The following DCLK2 variants were observed in gnomAD, a reference collection of about 807,000 sequenced individuals.
DCLK2 encodes the protein serine/threonine-protein kinase DCLK2.
DCLK2 carries 31 observed loss-of-function variants against 78.4 expected under a neutral mutation model. That is an observed-to-expected ratio of 0.40 (90% CI 0.30 to 0.53). The LOEUF (loss-of-function observed/expected upper bound fraction) is 0.53, where lower values mean the gene tolerates loss of function less well. Ranked by LOEUF, DCLK2 falls within the 20% of genes least tolerant of loss-of-function variation. The probability of loss-of-function intolerance (pLI) is 0.61; values close to 1 mark genes in which losing one functional copy is unlikely to be tolerated. For missense variants in DCLK2, 872 were observed against 973.7 expected (o/e 0.90, Z 1.39); for synonymous variants, 407 against 374.9 (o/e 1.09, Z -0.99).
intron 14 of DCLK2, 34 bp from the exon 15 acceptor site, chr4:150,249,534 A>G (rs778779065): frequency 1.3e-6 from 2 of 1,587,946 alleles, no homozygotes. Flanking sequence ...GAGGATGGAA[A>G]AAGCATTGTA....
chr4:150,126,999 G>T (rs531844620), intron 2 of DCLK2, among the ~76,000 whole-genome samples: 118 of 152,150 alleles, frequency 7.8e-4, no homozygotes, highest in African/African-American at 2.7e-3. Flanking sequence ...GGGTTCTCTG[G>T]TATTCCCCTG....
chr4:150,187,348 A>G (rs769272839), intron 2 of DCLK2, among the ~76,000 whole-genome samples: 1 of 152,102 alleles, frequency 6.6e-6, no homozygotes, highest in African/African-American at 2.4e-5. Context: ...TGACTATTCT[A>G]GGGAGCTGCT....
intron 2 of DCLK2, among the ~76,000 whole-genome samples, chr4:150,153,557 G>A (rs1735042149): frequency 7.4e-6 from 1 of 135,344 alleles, no homozygotes; most frequent in Admixed American, 7.3e-5. Context: ...ACATGCATGT[G>A]CCACCACATG....
chr4:150,239,713 T>G, intron 10 of DCLK2, 29 bp from the exon 11 acceptor site: 1 of 1,580,856 alleles, frequency 6.3e-7, no homozygotes, highest in Non-Finnish European at 8.7e-7. Context: ...AAAAAAAATC[T>G]TCTGATTGTT....
intron 4 of DCLK2, among the ~76,000 whole-genome samples, chr4:150,202,068 T>A (rs1202389762): frequency 6.6e-6 from 1 of 152,170 alleles, no homozygotes; most frequent in Non-Finnish European, 1.5e-5. Context: ...GCACCTAAGG[T>A]CCATACTTTA....
In DCLK2 at chr4:150,079,130, A is replaced by G; in HGVS notation, c.103A>G (p.Ser35Gly). The G allele has an allele frequency of 6.3e-7, 1 of 1,585,532 alleles. No homozygotes were observed. The highest frequency in any genetic ancestry group is 1.2e-5 in the South Asian group (1 of 86,018). Reference sequence around the variant, plus strand: ...GGCCCCCAGCTCCTCCGGGGGCAGCAGCAGCTCGGGCCCCAAGGGGAACGG... The same window carrying G: ...GGCCCCCAGCTCCTCCGGGGGCAGCGGCAGCTCGGGCCCCAAGGGGAACGG... ...RGAPSSSGGS[S>G]SSGPKGNGLI... The change falls in exon 1 of 16, where the codon AGC (serine) becomes GGC (glycine). Residue 35 changes from serine (S) to glycine (G), a missense_variant. Ser to Gly is a moderately conservative substitution (Grantham distance 56). This residue lies in a region of DCLK2 where 567 missense variants were observed against 593.4 expected (regional missense o/e 0.96). Coordinates refer to ENST00000296550, the MANE Select transcript of DCLK2 (RefSeq NM_001040260.4).
intron 2 of DCLK2, among the ~76,000 whole-genome samples, chr4:150,138,106 T>G (rs1021739575): frequency 7.2e-5 from 11 of 152,244 alleles, no homozygotes; most frequent in Non-Finnish European, 1.5e-4. Context: ...AGAGGTTAGT[T>G]ATTAAGCAAT....
chr4:150,187,603 C>G (rs1013963136), intron 2 of DCLK2, among the ~76,000 whole-genome samples: 3 of 152,190 alleles, frequency 2.0e-5, no homozygotes, highest in African/African-American at 7.2e-5. Flanking sequence ...TGTGCACACA[C>G]TTCCTTAATG....
chr4:150,253,079 GTCCTCCTCATCCTCCTCGTCCTCCTCA>G (rs1485089641), intron 15 of DCLK2, among the ~76,000 whole-genome samples: 2,599 of 149,682 alleles, frequency 0.017, 70 homozygotes, highest in African/African-American at 0.06. Flanking sequence ...TGTCCTCCTC[GTCCTCCTCATCCTCCTCGTCCTCCTCA>G]TCCTCCTCAT....
chr4:150,173,059 T>G (rs1320461297), intron 2 of DCLK2, among the ~76,000 whole-genome samples: 1 of 152,134 alleles, frequency 6.6e-6, no homozygotes, highest in Admixed American at 6.6e-5. Flanking sequence ...TAGTTCTGAA[T>G]TCTGTTGACT....
intron 8 of DCLK2, among the ~76,000 whole-genome samples, chr4:150,226,608 A>G (rs1203635293): frequency 6.6e-6 from 1 of 152,294 alleles, no homozygotes; most frequent in South Asian, 2.1e-4. Flanking sequence ...TGGAAAAAAA[A>G]GGTCTTTGTA....
chr4:150,232,970 A>G (rs991555990), intron 10 of DCLK2, 142 bp downstream of exon 10: 6 of 1,063,794 alleles, frequency 5.6e-6, no homozygotes, highest in Admixed American at 5.2e-5. Context: ...ACTTATGTCA[A>G]TGACCATCAA....
At chr4:150,100,980 G>C (rs1730849089) in intron 1 of DCLK2, among the ~76,000 whole-genome samples, 1 of 152,118 alleles carries the variant, frequency 6.6e-6, no homozygotes, top group African/African-American at 2.4e-5. Flanking sequence ...GGCCAGGCAT[G>C]GTGGCTCATG....
chr4:150,200,839 T>C (rs1739395996), intron 4 of DCLK2, among the ~76,000 whole-genome samples: 1 of 152,124 alleles, frequency 6.6e-6, no homozygotes, highest in Admixed American at 6.5e-5. Context: ...GTAACATAAA[T>C]GGGTAAATGG....
intron 2 of DCLK2, among the ~76,000 whole-genome samples, chr4:150,162,075 G>C (rs1735741208): frequency 6.6e-6 from 1 of 152,168 alleles, no homozygotes; most frequent in Admixed American, 6.5e-5. Flanking sequence ...CTGTTGCCCA[G>C]GCTGGAGTGC....
At chr4:150,150,324 A>G (rs1206712241) in intron 2 of DCLK2, among the ~76,000 whole-genome samples, 1 of 152,114 alleles carries the variant, frequency 6.6e-6, no homozygotes, top group Non-Finnish European at 1.5e-5. Context: ...TGCAGCATTT[A>G]ATTATTCTGA....
chr4:150,081,674 A>C (rs1228561917), intron 1 of DCLK2, among the ~76,000 whole-genome samples: 1 of 152,040 alleles, frequency 6.6e-6, no homozygotes, highest in African/African-American at 2.4e-5. Flanking sequence ...AATTAGTAGA[A>C]TACTCCATAG....
In DCLK2 at chr4:150,195,358, T is replaced by G. The variant is rs1466056459; in HGVS notation, c.859+2118T>G. On this transcript the variant is annotated intron_variant, in intron 3 of 15. Transcript: ENST00000296550. Reference sequence around the variant, plus strand: ...ATATATTATATAATATTATATATTATATATATTATATAATATTATATAATA... The same window carrying G: ...ATATATTATATAATATTATATATTAGATATATTATATAATATTATATAATA... 1.4e-3 allele frequency among the ~76,000 whole-genome samples: 12 copies of G among 8,520 alleles called. 6 individuals are homozygous for G. Among genetic ancestry groups the G allele is most frequent in the Non-Finnish European group, 2.6e-3 (12 of 4,626 alleles). 5.6% of individuals were successfully genotyped at this position (8,520 alleles called of 152,430 possible).
intron 5 of DCLK2, among the ~76,000 whole-genome samples, chr4:150,210,914 C>T (rs1740250731): frequency 6.9e-6 from 1 of 145,350 alleles, no homozygotes; most frequent in South Asian, 2.1e-4. Flanking sequence ...CGCCATTGCA[C>T]TCCAGCCTGG....
Sources: allele counts gnomAD v4.1 joint callset (sites outside exome capture counted in the v4.1 genomes callset), GRCh38; gene constraint gnomAD v4.1.1; regional missense constraint gnomAD v4.1.1; transcripts MANE v1.5; gene names NCBI Gene and HGNC (gene_info 2026-07-23, HGNC 2026-07-21).